MSLN: variants seen among roughly 807,000 people sequenced by gnomAD.
MSLN encodes the protein CAK1 antigen.
MSLN carries 82 observed loss-of-function variants against 72.6 expected under a neutral mutation model. The observed-to-expected ratio is 1.13, with a 90% CI of 0.94 to 1.36. The LOEUF (loss-of-function observed/expected upper bound fraction) is 1.36, where lower values mean the gene tolerates loss of function less well. Among genes scored for constraint, MSLN ranks in the 40% most tolerant of loss-of-function variants. The pLI is 0.00. For missense variants in MSLN, 1,005 were observed against 847.9 expected (o/e 1.19, Z -2.30); for synonymous variants, 456 against 387.3 (o/e 1.18, Z -2.08).
chr16:768,418 C>G lies in MSLN; in HGVS notation c.1636C>G (p.His546Asp). The G allele has an allele frequency of 6.6e-7, 1 of 1,515,810 alleles. No homozygotes were observed. The highest frequency in any genetic ancestry group is 8.8e-7 in the Non-Finnish European group (1 of 1,130,248). 93.9% of individuals were successfully genotyped at this position (1,515,810 alleles called of 1,614,324 possible). The change falls in exon 17 of 18, where the codon CAC becomes GAC. Residue 546 changes from histidine (H) to aspartate (D), a missense_variant. By Grantham distance (81) the His-to-Asp change is moderately conservative. Transcript: ENST00000545450. Reference sequence around the variant, plus strand: ...TGAGGTGCAGAAACTTCTGGGACCCCACGTGGAGGGCCTGAAGGCGGAGGA... The same window carrying G: ...TGAGGTGCAGAAACTTCTGGGACCCGACGTGGAGGGCCTGAAGGCGGAGGA... ...VAEVQKLLGP[H>D]VEGLKAEERH...
rs773683656 is a variant in MSLN at position 766,144 on chromosome 16, G to C, written c.981G>C (p.Val327=). The C allele has an allele frequency of 3.1e-6, 5 of 1,612,758 alleles. No homozygotes were observed. In the East Asian group the frequency reaches 1.1e-4, roughly 36 times the overall value. The part of the protein sequence containing the change: ...FYKKWELEAC[V]DAALLATQMD... ...AGAAGTGGGAGCTGGAAGCCTGCGT[G>C]GATGCGGCCCTGCTGGCCACCCAGA... The change falls in exon 12 of 18, where the codon GTG becomes GTC. Residue 327 remains valine (V), a synonymous_variant. Transcript: ENST00000545450.
chr16:765,372 G>A, intron 9 of MSLN, 69 bp downstream of exon 9: 3 of 1,458,526 alleles, frequency 2.1e-6, no homozygotes, highest in Non-Finnish European at 1.8e-6. Context: ...GAGGACACTT[G>A]CGGCCATGCC....
At chr16:762,795 T>C (rs2041552966) in intron 3 of MSLN, 30 bp downstream of exon 3, 2 of 1,533,430 alleles carry the variant, frequency 1.3e-6, no homozygotes, top group African/African-American at 1.4e-5. Context: ...GCTGGTGAGG[T>C]GGGGACGGCC....
chr16:764,885 C>T, intron 7 of MSLN, 22 bp from the exon 8 acceptor site: 1 of 1,608,736 alleles, frequency 6.2e-7, no homozygotes, highest in Non-Finnish European at 8.5e-7. Flanking sequence ...TGCGGCCTGT[C>T]CCCAGCACCC....
chr16:768,252 C>G (rs1245599882), intron 16 of MSLN, 127 bp from the exon 17 acceptor site: 3 of 969,534 alleles, frequency 3.1e-6, no homozygotes, highest in Non-Finnish European at 2.9e-6. Flanking sequence ...CGGAGACCTC[C>G]GAAGTCTGGA....
In MSLN at chr16:768,547, C is replaced by G. The variant is rs781446220; in HGVS notation, c.1765C>G (p.Leu589Val). Residue 589 changes from leucine to valine, a missense_variant, in exon 17 of 18, where the codon CTA (leucine) becomes GTA (valine). Physicochemically the swap from Leu to Val is conservative, Grantham distance 32 (BLOSUM62 1). Transcript: ENST00000545450. ...CGGCATCCCCAACGGCTACCTGGTC[C>G]TAGACCTCAGCATGCAAGGTGGGCG... ...QGGIPNGYLVLDLSMQEALSG... is the reference protein window; with the variant it reads ...QGGIPNGYLVVDLSMQEALSG... 8.1e-6 allele frequency: 13 copies of G among 1,606,698 alleles called. No individual in the cohort carries two copies. Among genetic ancestry groups the G allele is most frequent in the East Asian group, 2.2e-5 (1 of 44,714 alleles).
rs181037703 is a variant in MSLN at position 766,499 on chromosome 16, C to T, written c.1230+9C>T. 5,412 of 1,612,510 alleles carry T rather than the reference C, an allele frequency of 3.4e-3. 265 individuals carry two copies. The Admixed American group carries it at 0.083, about 25-fold the overall frequency. On this transcript the variant is annotated intron_variant, in intron 13 of 17. Transcript: ENST00000545450. The stretch of plus-strand genomic sequence containing the variant: ...ACGAAATGAGTCCTCAGGTGACCGT[C>T]CGGCTCGGGGGTCATGTGGCATGAG...
At chr16:768,326 G>A in intron 16 of MSLN, 53 bp from the exon 17 acceptor site, 1 of 1,472,894 alleles carries the variant, frequency 6.8e-7, no homozygotes, top group Non-Finnish European at 9.0e-7. Flanking sequence ...CAGCCCTCTG[G>A]CGGCGCTGAG....
At chr16:761,772 C>T (rs1448012702) in intron 2 of MSLN, among the ~76,000 whole-genome samples, 1 of 152,234 alleles carries the variant, frequency 6.6e-6, no homozygotes, top group African/African-American at 2.4e-5. Flanking sequence ...CCGGGCCGAC[C>T]AGGCAGGCTC....
rs763856470 is a variant in MSLN, at chr16:763,691, G to C, written c.179G>C (p.Ser60Thr). 7.3e-7 allele frequency: 1 copy of C among 1,370,350 alleles called. No homozygotes were observed. Among genetic ancestry groups the C allele is most frequent in the South Asian group, 1.6e-5 (1 of 64,080 alleles). The allele number at this position is 1,370,350 out of a possible 1,614,324, so 84.9% of individuals were successfully genotyped here. A position where few individuals can be genotyped will look rare whatever the true frequency, so the allele number is the denominator to read the frequency against. ...GVLANPPNIS[S>T]LSPRQLLGFP... ...CTGGCCAACCCACCTAACATTTCCA[G>C]GTGGGTCTGGGGTCCTCACAGTCCT... The change falls in exon 5 of 18, where the codon AGC (serine) becomes ACC (threonine). Residue 60 changes from serine (S) to threonine (T), a missense_variant and splice_region_variant. Ser to Thr is a moderately conservative substitution (Grantham distance 58). Transcript: ENST00000545450.
chr16:761,635 G>T (rs1186609322), intron 2 of MSLN, among the ~76,000 whole-genome samples: 1 of 152,214 alleles, frequency 6.6e-6, no homozygotes, highest in East Asian at 1.9e-4. Flanking sequence ...GCTGTGGGGG[G>T]GGTCTGTTTT....
At chr16:767,925 G>C (rs1165356968) in intron 16 of MSLN, among the ~76,000 whole-genome samples, 9 of 24,480 alleles carry the variant, frequency 3.7e-4, no homozygotes, top group Admixed American at 2.7e-3. Flanking sequence ...GCGTGGAGGG[G>C]GCACGTGGAG....
Position 764,051 on chromosome 16 carries a change from C to T in MSLN, c.208C>T (p.Pro70Ser). ...CTCCCCTCGCCAACTCCTTGGCTTCCCGTGTGCGGAGGTGTCCGGCCTGAG... is the reference window on the plus strand; with the variant it reads ...CTCCCCTCGCCAACTCCTTGGCTTCTCGTGTGCGGAGGTGTCCGGCCTGAG... The part of the protein sequence containing the change: ...SLSPRQLLGF[P>S]CAEVSGLSTE... The change falls in exon 6 of 18, where the codon CCG becomes TCG. Residue 70 changes from proline to serine, a missense_variant. Coordinates refer to ENST00000545450, the MANE Select transcript of MSLN (RefSeq NM_005823.6). The T allele has an allele frequency of 1.9e-6, 3 of 1,604,336 alleles. No individual in the cohort carries two copies. The highest frequency in any genetic ancestry group is 2.5e-6 in the Non-Finnish European group (3 of 1,179,724).
In MSLN at chr16:763,327, G is replaced by A. The variant is rs73491246; in HGVS notation, c.129+51G>A. ...GGAGGGTCTTCAGGTCCCAGGTGGG[G>A]GTGCCATGCTGTGTTCTCTCTGTCA... On this transcript the variant is annotated intron_variant, in intron 4 of 17. Transcript: ENST00000545450. 3.8e-3 allele frequency: 5,433 copies of A among 1,422,930 alleles called. 75 individuals are homozygous for A. The African/African-American group carries it at 0.039, about 10-fold the overall frequency. The allele number at this position is 1,422,930 out of a possible 1,614,324, so 88.1% of individuals were successfully genotyped here.
chr16:763,101 C>T, intron 3 of MSLN, 132 bp from the exon 4 acceptor site: 1 of 640,304 alleles, frequency 1.6e-6, no homozygotes. Flanking sequence ...GGGCCTGAGC[C>T]ACTGGCTTCT....
chr16:762,007 C>T (rs1366223946), intron 2 of MSLN, among the ~76,000 whole-genome samples: 1 of 151,344 alleles, frequency 6.6e-6, no homozygotes, highest in African/African-American at 2.4e-5. Flanking sequence ...CCACCCACTT[C>T]CCCACCCCAC....
rs1228454677 is a variant in MSLN, at chr16:766,156, G to A, written c.993G>A (p.Leu331=). 1.2e-6 allele frequency: 2 copies of A among 1,612,634 alleles called. No homozygotes were observed. Among genetic ancestry groups the A allele is most frequent in the African/African-American group, 2.7e-5 (2 of 74,958 alleles). The change falls in exon 12 of 18, where the codon CTG becomes CTA. Residue 331 remains leucine, a synonymous_variant. Coordinates refer to ENST00000545450, the MANE Select transcript of MSLN (RefSeq NM_005823.6). ...TGGAAGCCTGCGTGGATGCGGCCCT[G>A]CTGGCCACCCAGATGGACCGCGTGA... ...WELEACVDAA[L]LATQMDRVNA...
At position 767,478 on chromosome 16, in the gene MSLN, G is replaced by A. The variant is rs771151211; in HGVS notation, c.1596+8G>A. On this transcript the variant is annotated splice_region_variant and intron_variant, in intron 16 of 17. Coordinates refer to ENST00000545450, the MANE Select transcript of MSLN (RefSeq NM_005823.6). ...CGGACGGATGCGGTGCTGGTATGGC[G>A]AGCGGGAGGAGGGGCGTGTGGAGGA... 3 of 1,574,214 alleles carry A rather than the reference G, an allele frequency of 1.9e-6. No individual in the cohort carries two copies. Among genetic ancestry groups the A allele is most frequent in the Admixed American group, 1.8e-5 (1 of 55,948 alleles).
chr16:766,020 C>G, intron 11 of MSLN, 39 bp from the exon 12 acceptor site: 1 of 1,552,254 alleles, frequency 6.4e-7, no homozygotes, highest in Non-Finnish European at 8.7e-7. Context: ...AGGGGTCAAA[C>G]GAACTCCGGC....
Sources: gnomAD v4.1 joint callset for allele counts (sites outside exome capture counted in the v4.1 genomes callset) on GRCh38, gnomAD v4.1.1 for gene constraint, MANE v1.5 for transcripts, NCBI Gene and HGNC (gene_info 2026-07-23, HGNC 2026-07-21) for gene names.